Variants in CCSER1 observed in about 807,000 individuals in gnomAD.
CCSER1 encodes the protein coiled-coil serine rich protein 1.
In CCSER1, 41 loss-of-function variants were observed where a neutral mutation model predicts 82.0. The observed-to-expected ratio is 0.50, with a 90% CI of 0.39 to 0.65. The LOEUF (loss-of-function observed/expected upper bound fraction) is 0.65. CCSER1 is among the 30% of genes least tolerant of loss of function. The pLI, the probability that CCSER1 is intolerant of heterozygous loss-of-function variation, is 0.00. For synonymous variants in CCSER1, 414 were observed against 383.9 expected, an observed-to-expected ratio of 1.08 and a Z score of -0.92; for missense variants, 1,119 against 1,064.2, an observed-to-expected ratio of 1.05 and a Z score of -0.72.
At chr4:90,600,994 A>G (rs1223854837) in intron 5 of CCSER1, among the ~76,000 whole-genome samples, 1 of 151,754 alleles carries the variant, frequency 6.6e-6, no homozygotes, top group Non-Finnish European at 1.5e-5. Flanking sequence ...TTGCTAATGT[A>G]TTGAATACAA....
intron 8 of CCSER1, among the ~76,000 whole-genome samples, chr4:90,889,209 CCTG>C (rs1234946124): frequency 6.6e-6 from 1 of 152,130 alleles, no homozygotes; most frequent in Non-Finnish European, 1.5e-5. Flanking sequence ...ACAGACATTT[CCTG>C]CTATTATTTT....
intron 1 of CCSER1, among the ~76,000 whole-genome samples, chr4:90,204,596 C>A (rs1374813231): frequency 6.6e-6 from 1 of 152,096 alleles, no homozygotes; most frequent in African/African-American, 2.4e-5. Context: ...GTTACTGTAG[C>A]CTTGTAGTAT....
chr4:90,175,367 G>A (rs983850420), intron 1 of CCSER1, among the ~76,000 whole-genome samples: 2 of 151,898 alleles, frequency 1.3e-5, no homozygotes, highest in African/African-American at 2.4e-5. Context: ...TATGCTGGCC[G>A]GAAAAGATGG....
chr4:91,041,154 G>A (rs888186450), intron 9 of CCSER1, among the ~76,000 whole-genome samples: 1 of 152,168 alleles, frequency 6.6e-6, no homozygotes, highest in Admixed American at 6.6e-5. Context: ...GAGGAATCAG[G>A]AAAGCAATGG....
intron 4 of CCSER1, among the ~76,000 whole-genome samples, chr4:90,400,965 G>C (rs907699855): frequency 6.6e-6 from 1 of 152,100 alleles, no homozygotes; most frequent in Non-Finnish European, 1.5e-5. Flanking sequence ...TTATATGGTA[G>C]TGTCTTTATT....
intron 10 of CCSER1, among the ~76,000 whole-genome samples, chr4:91,549,821 C>T (rs1446632489): frequency 1.3e-5 from 2 of 151,676 alleles, no homozygotes; most frequent in Non-Finnish European, 2.9e-5. Flanking sequence ...GGCAACAGAG[C>T]CAGACCCTGT....
chr4:90,904,716 A>G (rs1725195383), intron 8 of CCSER1, among the ~76,000 whole-genome samples: 1 of 152,114 alleles, frequency 6.6e-6, no homozygotes, highest in South Asian at 2.1e-4. Flanking sequence ...GAAACAACGA[A>G]TGCATTCATG....
chr4:90,991,586 G>C (rs1156664279), intron 9 of CCSER1, among the ~76,000 whole-genome samples: 1 of 151,764 alleles, frequency 6.6e-6, no homozygotes, highest in African/African-American at 2.4e-5. Flanking sequence ...TCCTCCCTGT[G>C]TTTACATTTT....
At position 91,082,144 on chromosome 4, in the gene CCSER1, A is replaced by C. The variant is rs1035604639; in HGVS notation, c.2173-3806A>C. On this transcript the variant is annotated intron_variant, in intron 9 of 10. Coordinates refer to ENST00000509176, the MANE Select transcript of CCSER1 (RefSeq NM_001145065.2). ...CCAAAAGAACAAAGTTGGAGGCATC[A>C]TGCTACCTGACTTCAAAGTATACTA... Among the ~76,000 whole-genome samples the C allele has an allele frequency of 2.6e-5, 4 of 152,362 alleles. No homozygotes were observed. The South Asian group carries it at 8.3e-4, about 32-fold the overall frequency.
At chr4:90,399,223 A>G (rs1227881390) in intron 3 of CCSER1, among the ~76,000 whole-genome samples, 2 of 152,134 alleles carry the variant, frequency 1.3e-5, no homozygotes, top group Non-Finnish European at 2.9e-5. Flanking sequence ...CTGCCTGTGC[A>G]CTTCAGCACA....
intron 1 of CCSER1, among the ~76,000 whole-genome samples, chr4:90,133,517 T>C (rs1723147598): frequency 6.6e-6 from 1 of 152,200 alleles, no homozygotes; most frequent in African/African-American, 2.4e-5. Flanking sequence ...TGTACAATAA[T>C]AATATCACAC....
At chr4:90,245,986 G>A (rs1342624903) in intron 1 of CCSER1, among the ~76,000 whole-genome samples, 1 of 152,172 alleles carries the variant, frequency 6.6e-6, no homozygotes, top group Non-Finnish European at 1.5e-5. Flanking sequence ...ATATTGTTCT[G>A]TAAATATTCA....
chr4:91,126,066 A>ACTTT (rs1288577382), intron 10 of CCSER1, among the ~76,000 whole-genome samples: 1 of 151,734 alleles, frequency 6.6e-6, no homozygotes, highest in Non-Finnish European at 1.5e-5. Flanking sequence ...GTTATAGATA[A>ACTTT]GTTAGTATGA....
At chr4:90,481,575 A>G (rs1765973882) in intron 5 of CCSER1, among the ~76,000 whole-genome samples, 1 of 152,214 alleles carries the variant, frequency 6.6e-6, no homozygotes, top group South Asian at 2.1e-4. Context: ...AGTTTTTAGC[A>G]CGAAGTGTTG....
chr4:91,468,791 C>T (rs1226113968), intron 10 of CCSER1, among the ~76,000 whole-genome samples: 1 of 151,960 alleles, frequency 6.6e-6, no homozygotes, highest in Admixed American at 6.6e-5. Flanking sequence ...CAATAATGCT[C>T]TGGATGCTGG....
intron 10 of CCSER1, among the ~76,000 whole-genome samples, chr4:91,132,098 ACT>A (rs1379985677): frequency 6.6e-6 from 1 of 152,090 alleles, no homozygotes; most frequent in Non-Finnish European, 1.5e-5. Context: ...GGCCCAGTGC[ACT>A]CTGATATCTT....
rs74793954 is a variant in CCSER1 at position 91,257,261 on chromosome 4, G to A, written c.2217+171267G>A. The stretch of plus-strand genomic sequence containing the variant: ...ATTTTATTCTAATAAGTTATATCAC[G>A]TCCCAAAGTAGTCCACTAACAAAGT... On this transcript the variant is annotated intron_variant, in intron 10 of 10. Coordinates refer to ENST00000509176, the MANE Select transcript of CCSER1 (RefSeq NM_001145065.2). 4.7e-3 allele frequency among the ~76,000 whole-genome samples: 718 copies of A among 152,006 alleles called. 1 individual carries two copies. The highest frequency in any genetic ancestry group is 5.6e-3 in the African/African-American group (233 of 41,464).
intron 10 of CCSER1, among the ~76,000 whole-genome samples, chr4:91,453,303 T>A (rs1755969663): frequency 1.3e-5 from 2 of 152,042 alleles, no homozygotes; most frequent in Non-Finnish European, 2.9e-5. Context: ...TAACACTGTC[T>A]GCTTGAGAAA....
chr4:91,469,790 A>G (rs1757160607), intron 10 of CCSER1, among the ~76,000 whole-genome samples: 1 of 152,230 alleles, frequency 6.6e-6, no homozygotes, highest in Non-Finnish European at 1.5e-5. Context: ...AGAGGAAATA[A>G]GACTAATTTT....
Sources: gnomAD v4.1 joint callset for allele counts (sites outside exome capture counted in the v4.1 genomes callset) on GRCh38, gnomAD v4.1.1 for gene constraint, MANE v1.5 for transcripts, NCBI Gene and HGNC (gene_info 2026-07-23, HGNC 2026-07-21) for gene names.